Variants in TMCC1 observed in about 807,000 individuals in gnomAD.
TMCC1 encodes transmembrane and coiled-coil domains protein 1.
A neutral mutation model predicts 52.4 loss-of-function variants in TMCC1; 15 were observed. That is an observed-to-expected ratio of 0.29 (90% CI 0.19 to 0.44). TMCC1 has a LOEUF of 0.44. TMCC1 is among the 20% of genes least tolerant of loss of function. TMCC1 has a pLI of 1.00. For missense variants in TMCC1, 503 were observed against 806.0 expected, an observed-to-expected ratio of 0.62 and a Z score of 4.55; for synonymous variants, 279 against 301.9, an observed-to-expected ratio of 0.92 and a Z score of 0.79.
intron 2 of TMCC1, among the ~76,000 whole-genome samples, chr3:129,863,394 T>C (rs1044946994): frequency 6.6e-6 from 1 of 152,188 alleles, no homozygotes; most frequent in African/African-American, 2.4e-5. Flanking sequence ...TTTGCCTTGG[T>C]ACCTCAAAAA....
intron 4 of TMCC1, among the ~76,000 whole-genome samples, chr3:129,686,195 C>T (rs559570211): frequency 1.3e-5 from 2 of 152,282 alleles, no homozygotes; most frequent in African/African-American, 4.8e-5. Flanking sequence ...TTAGAATAAA[C>T]AAGAATCTGA....
chr3:129,857,745 A>T (rs1577108640), intron 2 of TMCC1, among the ~76,000 whole-genome samples: 1 of 140,706 alleles, frequency 7.1e-6, no homozygotes, highest in Non-Finnish European at 1.6e-5. Context: ...GTATTTTTTT[A>T]GTAGAGACAG....
intron 4 of TMCC1, among the ~76,000 whole-genome samples, chr3:129,798,129 G>T (rs1167847448): frequency 6.6e-6 from 1 of 151,974 alleles, no homozygotes; most frequent in Non-Finnish European, 1.5e-5. Context: ...CCAAGTAGCT[G>T]GGATTACAGG....
At position 129,683,015 on chromosome 3, in the gene TMCC1, A is replaced by C. The variant is rs376948511; in HGVS notation, c.577-11751T>G. On this transcript the variant is annotated intron_variant, in intron 4 of 6. Coordinates refer to ENST00000393238, the MANE Select transcript of TMCC1 (RefSeq NM_001017395.5). ...CATGCCCGGCTAATTTTGTATTTTTAGTAGAGACAGGGTTTCTCTACGTTG... is the reference window on the plus strand; with the variant it reads ...CATGCCCGGCTAATTTTGTATTTTTCGTAGAGACAGGGTTTCTCTACGTTG... Among the ~76,000 whole-genome samples the C allele has an allele frequency of 4.6e-5, 7 of 152,258 alleles. No homozygotes were observed. In the East Asian group the frequency reaches 1.4e-3, roughly 29 times the overall value.
chr3:129,685,966 C>A (rs1488992216), intron 4 of TMCC1, among the ~76,000 whole-genome samples: 2 of 152,160 alleles, frequency 1.3e-5, no homozygotes, highest in African/African-American at 2.4e-5. Context: ...TAAGGCCAAT[C>A]AATTTTACTT....
chr3:129,821,919 C>T (rs1396489392), intron 4 of TMCC1, among the ~76,000 whole-genome samples: 2 of 152,100 alleles, frequency 1.3e-5, no homozygotes, highest in Non-Finnish European at 2.9e-5. Flanking sequence ...AAAAATTAGC[C>T]GGGTGCAGTG....
At chr3:129,722,921 C>T (rs996832869) in intron 4 of TMCC1, among the ~76,000 whole-genome samples, 2 of 152,154 alleles carry the variant, frequency 1.3e-5, no homozygotes, top group Non-Finnish European at 2.9e-5. Flanking sequence ...GAGGGTAATT[C>T]AATATCAAAC....
At chr3:129,771,465 A>T (rs1560382795) in intron 4 of TMCC1, among the ~76,000 whole-genome samples, 1 of 152,098 alleles carries the variant, frequency 6.6e-6, no homozygotes, top group Non-Finnish European at 1.5e-5. Flanking sequence ...AAAGACTATC[A>T]CAGACACAGT....
intron 4 of TMCC1, among the ~76,000 whole-genome samples, chr3:129,761,637 CTGAATTTCATT>C (rs1471936060): frequency 1.3e-5 from 2 of 152,154 alleles, no homozygotes; most frequent in East Asian, 3.9e-4. Context: ...CTATTTCCCA[CTGAATTTCATT>C]ACTTTATTCT....
chr3:129,696,647 C>T (rs1314628294), intron 4 of TMCC1, among the ~76,000 whole-genome samples: 5 of 152,174 alleles, frequency 3.3e-5, no homozygotes, highest in Non-Finnish European at 7.3e-5. Context: ...TCATGTGAGA[C>T]AAGGCAAAGT....
chr3:129,860,368 C>G (rs890328537), intron 2 of TMCC1, among the ~76,000 whole-genome samples: 3 of 151,880 alleles, frequency 2.0e-5, no homozygotes, highest in African/African-American at 7.3e-5. Context: ...CTGCGCCCAG[C>G]CCGTGAGTGG....
chr3:129,849,815 C>CAT (rs35322178), intron 2 of TMCC1, among the ~76,000 whole-genome samples: 21,872 of 151,436 alleles, frequency 0.14, 2,379 homozygotes, highest in East Asian at 0.57. Context: ...CACACACATA[C>CAT]ATATATACAC....
At chr3:129,869,072 T>C (rs2107957109) in intron 2 of TMCC1, 1 of 152,234 alleles carries the variant, frequency 6.6e-6, no homozygotes, top group African/African-American at 2.4e-5. Context: ...ACTAATTAGG[T>C]GACTCTTGGT....
intron 4 of TMCC1, among the ~76,000 whole-genome samples, chr3:129,712,628 T>C (rs1410057994): frequency 6.6e-6 from 1 of 151,924 alleles, no homozygotes; most frequent in Non-Finnish European, 1.5e-5. Flanking sequence ...AAAAAATTTT[T>C]TTTTTGTAGA....
intron 6 of TMCC1, among the ~76,000 whole-genome samples, chr3:129,652,792 C>G (rs2086423769): frequency 6.6e-6 from 1 of 152,220 alleles, no homozygotes; most frequent in African/African-American, 2.4e-5. Flanking sequence ...GACTTGTTAG[C>G]CCCTACTTAG....
At chr3:129,714,540 G>T (rs796916133) in intron 4 of TMCC1, among the ~76,000 whole-genome samples, 3 of 152,198 alleles carry the variant, frequency 2.0e-5, no homozygotes, top group African/African-American at 7.2e-5. Context: ...GGCCCATTTG[G>T]TATATAATAT....
chr3:129,667,781 G>C (rs2087586657), intron 5 of TMCC1, among the ~76,000 whole-genome samples: 1 of 152,168 alleles, frequency 6.6e-6, no homozygotes, highest in Non-Finnish European at 1.5e-5. Flanking sequence ...TGAGAGACCT[G>C]TTTCTGATTT....
At chr3:129,744,080 G>A (rs2051703029) in intron 4 of TMCC1, among the ~76,000 whole-genome samples, 1 of 152,128 alleles carries the variant, frequency 6.6e-6, no homozygotes, top group Non-Finnish European at 1.5e-5. Context: ...AATTCTGACT[G>A]ATATTGTGTT....
At chr3:129,656,011 T>A (rs574882751) in intron 5 of TMCC1, among the ~76,000 whole-genome samples, 144 of 152,230 alleles carry the variant, frequency 9.5e-4, no homozygotes, top group African/African-American at 3.2e-3. Flanking sequence ...GAGGAAAAAA[T>A]GGGAAATCTG....
Sources: allele counts gnomAD v4.1 joint callset (sites outside exome capture counted in the v4.1 genomes callset), GRCh38; gene constraint gnomAD v4.1.1; transcripts MANE v1.5; gene names NCBI Gene and HGNC (gene_info 2026-07-23, HGNC 2026-07-21).